The following STX17 variants were observed in gnomAD, a reference collection of about 807,000 sequenced individuals.
STX17 encodes the protein syntaxin 17.
STX17 carries 29 observed loss-of-function variants against 35.9 expected under a neutral mutation model. The observed-to-expected ratio is 0.81, with a 90% CI of 0.60 to 1.10. The LOEUF is 1.10. Ranked by LOEUF, STX17 falls within the 50% of genes least tolerant of loss-of-function variation. The pLI, the probability that STX17 is intolerant of heterozygous loss-of-function variation, is 0.00. For missense variants in STX17, 312 were observed against 352.3 expected (o/e 0.89, Z 0.92); for synonymous variants, 92 against 118.3 (o/e 0.78, Z 1.44).
chr9:99,960,689 G>T (rs372309898), intron 6 of STX17, among the ~76,000 whole-genome samples: 3 of 152,080 alleles, frequency 2.0e-5, no homozygotes, highest in Non-Finnish European at 4.4e-5. Flanking sequence ...TGATCCACCC[G>T]CCTCAGCCTC....
chr9:99,968,421 T>G lies in STX17; in HGVS notation c.670-13T>G, dbSNP rs1829960116. ...AACTCAGTTTCTAAATTGAATTTTT[T>G]TTTTTTTTACAGGCTGCAAAATACA... On this transcript the variant is annotated splice_polypyrimidine_tract_variant and intron_variant, in intron 7 of 7. Coordinates refer to ENST00000259400, the MANE Select transcript of STX17 (RefSeq NM_017919.3). The G allele has an allele frequency of 6.6e-7, 1 of 1,521,354 alleles. No individual in the cohort carries two copies. Among genetic ancestry groups the G allele is most frequent in the Admixed American group, 2.3e-5 (1 of 44,038 alleles). The allele number at this position is 1,521,354 out of a possible 1,614,324, so 94.2% of individuals were successfully genotyped here.
intron 1 of STX17, 32 bp from the exon 2 acceptor site, chr9:99,915,146 A>C: frequency 7.3e-7 from 1 of 1,375,188 alleles, no homozygotes; most frequent in Non-Finnish European, 9.6e-7. Flanking sequence ...AACAGATTTG[A>C]AAACATTCTT....
chr9:99,952,112 A>G (rs1241661154), intron 4 of STX17, among the ~76,000 whole-genome samples: 1 of 152,048 alleles, frequency 6.6e-6, no homozygotes, highest in African/African-American at 2.4e-5. Context: ...ATCTTGTTAT[A>G]TTTTATAAAT....
At chr9:99,935,260 G>A (rs1294059093) in intron 3 of STX17, among the ~76,000 whole-genome samples, 1 of 146,862 alleles carries the variant, frequency 6.8e-6, no homozygotes, top group Admixed American at 6.8e-5. Context: ...AACCCAGGAG[G>A]AGGAGCTTGC....
intron 4 of STX17, among the ~76,000 whole-genome samples, chr9:99,956,364 A>G (rs1829710830): frequency 6.6e-6 from 1 of 152,136 alleles, no homozygotes; most frequent in Admixed American, 6.5e-5. Context: ...AATAGTACAT[A>G]AATTATGGCT....
At chr9:99,961,180 T>G (rs1322737569) in intron 6 of STX17, among the ~76,000 whole-genome samples, 1 of 152,224 alleles carries the variant, frequency 6.6e-6, no homozygotes, top group South Asian at 2.1e-4. Flanking sequence ...TTAGAAAGCC[T>G]AATACTGATT....
intron 2 of STX17, among the ~76,000 whole-genome samples, chr9:99,922,355 T>C (rs750625501): frequency 5.9e-5 from 9 of 152,190 alleles, no homozygotes; most frequent in Non-Finnish European, 1.2e-4. Context: ...CCTTCCTGAC[T>C]GTAGACTGAA....
At chr9:99,964,586 G>A (rs548994287) in intron 6 of STX17, among the ~76,000 whole-genome samples, 92 of 152,170 alleles carry the variant, frequency 6.0e-4, no homozygotes, top group African/African-American at 2.0e-3. Context: ...AAATGTGGGA[G>A]GCCTAAGCAG....
chr9:99,915,347 G>T lies in STX17; in HGVS notation c.108G>T (p.Gln36His), dbSNP rs1828747138. 1 of 1,600,632 alleles carries T rather than the reference G, an allele frequency of 6.2e-7. No individual in the cohort carries two copies. The highest frequency in any genetic ancestry group is 1.7e-5 in the Admixed American group (1 of 57,204). ...PTDLERLRKH[Q>H]INIEKYQRCR... ...ACCTGGAAAGGTTAAGAAAGCACCA[G>T]ATAAATATTGAGAAGGTGAGCTGTT... The change falls in exon 2 of 8, where the codon CAG becomes CAT. Residue 36 changes from glutamine (Q) to histidine (H), a missense_variant. By Grantham distance (24) the Gln-to-His change is conservative. Coordinates refer to ENST00000259400, the MANE Select transcript of STX17 (RefSeq NM_017919.3).
chr9:99,963,932 G>C (rs1228312929), intron 6 of STX17, among the ~76,000 whole-genome samples: 4 of 152,122 alleles, frequency 2.6e-5, no homozygotes, highest in African/African-American at 9.7e-5. Flanking sequence ...AGCTCAATGT[G>C]AACAGGATTG....
intron 3 of STX17, chr9:99,945,680 T>A (rs1437855412): frequency 8.1e-6 from 3 of 371,916 alleles, no homozygotes; most frequent in East Asian, 8.9e-5. Flanking sequence ...TTTGTATTGA[T>A]CTTGTTTTTT....
At chr9:99,951,410 A>G in intron 4 of STX17, 125 bp downstream of exon 4, 2 of 825,264 alleles carry the variant, frequency 2.4e-6, no homozygotes, top group Non-Finnish European at 3.7e-6. Flanking sequence ...AATATGCTGA[A>G]TCCTTGGACC....
At chr9:99,920,216 A>G (rs1828861308) in intron 2 of STX17, among the ~76,000 whole-genome samples, 1 of 152,240 alleles carries the variant, frequency 6.6e-6, no homozygotes, top group South Asian at 2.1e-4. Context: ...AGTTCTGGCC[A>G]GTTATACCTG....
At chr9:99,966,863 C>T (rs1002694712) in intron 6 of STX17, among the ~76,000 whole-genome samples, 17 of 152,338 alleles carry the variant, frequency 1.1e-4, no homozygotes, top group Middle Eastern at 3.4e-3. Flanking sequence ...TCAGTAACCA[C>T]TTGTCAGGAA....
At position 99,951,051 on chromosome 9, in the gene STX17, C is replaced by T. The variant is rs1257250108; in HGVS notation, c.190-9C>T. The T allele has an allele frequency of 1.3e-6, 2 of 1,586,410 alleles. No individual in the cohort carries two copies. The highest frequency in any genetic ancestry group is 1.2e-5 in the South Asian group (1 of 86,350). On this transcript the variant is annotated splice_polypyrimidine_tract_variant and intron_variant, in intron 3 of 7. Coordinates refer to ENST00000259400, the MANE Select transcript of STX17 (RefSeq NM_017919.3). ...AAATGGTGGCATTAATGATTTTTTT[C>T]TTTTATAGCAACTCCGATCCAATAT...
chr9:99,945,505 A>G (rs1969577), intron 3 of STX17, among the ~76,000 whole-genome samples: 61,232 of 151,842 alleles, frequency 0.4, 13,148 homozygotes, highest in East Asian at 0.7. Flanking sequence ...TTTAGATACA[A>G]TCGCTTAAGT....
Position 99,968,705 on chromosome 9 carries a change from T to C in STX17, c.*32T>C, listed in dbSNP as rs373451406. The C allele has an allele frequency of 6.3e-7, 1 of 1,597,356 alleles. No homozygotes were observed. Among genetic ancestry groups the C allele is most frequent in the South Asian group, 1.1e-5 (1 of 87,256 alleles). On this transcript the variant is annotated 3_prime_UTR_variant, in exon 8 of 8. Transcript: ENST00000259400. ...AATTTCAGTATTATTGGTGCCAACA[T>C]GTCTATCCTGAGGACCTTTGCTGCT... is the stretch of plus-strand genomic sequence containing the variant.
chr9:99,968,425 T>G lies in STX17; in HGVS notation c.670-9T>G, dbSNP rs1478092973. 1 of 1,522,950 alleles carries G rather than the reference T, an allele frequency of 6.6e-7. No homozygotes were observed. Among genetic ancestry groups the G allele is most frequent in the East Asian group, 2.3e-5 (1 of 43,946 alleles). The allele number at this position is 1,522,950 out of a possible 1,614,324, so 94.3% of individuals were successfully genotyped here. ...CAGTTTCTAAATTGAATTTTTTTTT[T>G]TTTTACAGGCTGCAAAATACAAGCT... On this transcript the variant is annotated splice_polypyrimidine_tract_variant and intron_variant, in intron 7 of 7. Transcript: ENST00000259400.
chr9:99,965,203 G>C (rs2118537564), intron 6 of STX17, among the ~76,000 whole-genome samples: 1 of 152,088 alleles, frequency 6.6e-6, no homozygotes, highest in Non-Finnish European at 1.5e-5. Context: ...TTTTGCCTGT[G>C]GTTGCTTCTT....
Sources: gnomAD v4.1 joint callset for allele counts (sites outside exome capture counted in the v4.1 genomes callset) on GRCh38, gnomAD v4.1.1 for gene constraint, MANE v1.5 for transcripts, NCBI Gene and HGNC (gene_info 2026-07-23, HGNC 2026-07-21) for gene names.